Variants in SYNPR observed in about 807,000 individuals in gnomAD.
SYNPR encodes synaptoporin.
SYNPR carries 23 observed loss-of-function variants against 32.9 expected under a neutral mutation model. That is an observed-to-expected ratio of 0.70 (90% CI 0.50 to 0.99). The LOEUF (loss-of-function observed/expected upper bound fraction) is 0.99, where lower values mean the gene tolerates loss of function less well. SYNPR is among the 50% of genes least tolerant of loss of function. The probability of loss-of-function intolerance (pLI) is 0.00; values close to 1 mark genes in which losing one functional copy is unlikely to be tolerated. For missense variants in SYNPR, 318 were observed against 349.3 expected (o/e 0.91, Z 0.71); for synonymous variants, 146 against 135.9 (o/e 1.07, Z -0.52).
intron 2 of SYNPR, among the ~76,000 whole-genome samples, chr3:63,473,306 G>A (rs1347146662): frequency 6.6e-6 from 1 of 152,130 alleles, no homozygotes; most frequent in Non-Finnish European, 1.5e-5. Context: ...CCACAGTAAA[G>A]CACCATTGCA....
At chr3:63,253,174 A>G (rs1261531966) in intron 2 of SYNPR, among the ~76,000 whole-genome samples, 1 of 152,208 alleles carries the variant, frequency 6.6e-6, no homozygotes, top group Admixed American at 6.5e-5. Context: ...CAGATGCCAA[A>G]TAATCACCAT....
chr3:63,224,909 A>G (rs190609890), upstream of SYNPR, among the ~76,000 whole-genome samples: 19 of 152,294 alleles, frequency 1.2e-4, no homozygotes, highest in African/African-American at 3.6e-4. Flanking sequence ...TCTTGTGCTC[A>G]TTGTGTAACA....
chr3:63,305,633 C>G (rs1313695852), intron 2 of SYNPR, among the ~76,000 whole-genome samples: 1 of 151,880 alleles, frequency 6.6e-6, no homozygotes, highest in Non-Finnish European at 1.5e-5. Flanking sequence ...GCCAGAAATT[C>G]TGATTTAGTA....
At chr3:63,202,575 G>C in the SYNPR span, among the ~76,000 whole-genome samples, 18 of 142,590 alleles carry the variant, frequency 1.3e-4, no homozygotes, top group African/African-American at 4.7e-4. Context: ...CTCCAAAAGT[G>C]GGTTGAGGAT....
rs539591158 is a variant in SYNPR at position 63,511,016 on chromosome 3, T to C, written c.209+30060T>C. Among the ~76,000 whole-genome samples, 62 of 151,338 alleles carry C rather than the reference T, an allele frequency of 4.1e-4. No homozygotes were observed. The South Asian group carries it at 0.011, about 27-fold the overall frequency. ...TGATTATGTGGGATGCTTGTTGAAA[T>C]GCAAATTGCTGGACTCAGCCCCAGG... On this transcript the variant is annotated intron_variant, in intron 3 of 5. Coordinates refer to ENST00000478300, the MANE Select transcript of SYNPR (RefSeq NM_001130003.2).
chr3:63,561,825 G>T (rs566541985), intron 4 of SYNPR, among the ~76,000 whole-genome samples: 1 of 152,128 alleles, frequency 6.6e-6, no homozygotes, highest in Non-Finnish European at 1.5e-5. Flanking sequence ...AAGCAGTTGT[G>T]AGCAATTTCA....
chr3:63,270,232 A>G (rs1215779188), intron 3 of SYNPR, among the ~76,000 whole-genome samples: 1 of 152,220 alleles, frequency 6.6e-6, no homozygotes, highest in Non-Finnish European at 1.5e-5. Flanking sequence ...ACAGTGTCAG[A>G]TAAACCTATG....
intron 2 of SYNPR, among the ~76,000 whole-genome samples, chr3:63,465,229 C>A (rs1025810380): frequency 1.3e-5 from 2 of 152,082 alleles, no homozygotes; most frequent in Non-Finnish European, 2.9e-5. Flanking sequence ...AAAAGCTACT[C>A]TCCCATAATG....
At chr3:63,372,208 A>G (rs970237127) in intron 2 of SYNPR, among the ~76,000 whole-genome samples, 11 of 152,044 alleles carry the variant, frequency 7.2e-5, no homozygotes, top group African/African-American at 2.7e-4. Context: ...GACTATGTCC[A>G]GCATGACACA....
Position 63,561,044 on chromosome 3 carries a change from C to G in SYNPR, c.408+4303C>G, listed in dbSNP as rs116106808. Among the ~76,000 whole-genome samples, 1,089 of 152,278 alleles carry G rather than the reference C, an allele frequency of 7.2e-3. 14 individuals are homozygous for G. The highest frequency in any genetic ancestry group is 0.025 in the African/African-American group (1,020 of 41,556). Reference sequence around the variant, plus strand: ...GTGATTCTTCAAGTCAAACTTTGAACATGAAACTACAAAATTGCTGTATCA... The same window carrying G: ...GTGATTCTTCAAGTCAAACTTTGAAGATGAAACTACAAAATTGCTGTATCA... On this transcript the variant is annotated intron_variant, in intron 4 of 5. Transcript: ENST00000478300.
rs547805726 is a variant in SYNPR at position 63,369,924 on chromosome 3, T to C, written c.84+91182T>C. 2.4e-4 allele frequency among the ~76,000 whole-genome samples: 36 copies of C among 152,322 alleles called. No homozygotes were observed. The South Asian group carries it at 7.5e-3, about 32-fold the overall frequency. On this transcript the variant is annotated intron_variant, in intron 2 of 5. Coordinates refer to ENST00000478300, the MANE Select transcript of SYNPR (RefSeq NM_001130003.2). ...CTTCCTCACCTAAGGAATCCAAAGATTCTTGGAGCTTCTTCAGGTTCTCGT... is the reference window on the plus strand; with the variant it reads ...CTTCCTCACCTAAGGAATCCAAAGACTCTTGGAGCTTCTTCAGGTTCTCGT...
chr3:63,258,878 T>C (rs974616814), intron 2 of SYNPR, among the ~76,000 whole-genome samples: 18 of 152,178 alleles, frequency 1.2e-4, no homozygotes, highest in Non-Finnish European at 2.2e-4. Flanking sequence ...CAATAAAAAA[T>C]GATAAAGGGG....
At chr3:63,388,663 A>C (rs1421680706) in intron 2 of SYNPR, among the ~76,000 whole-genome samples, 1 of 150,716 alleles carries the variant, frequency 6.6e-6, no homozygotes, top group Non-Finnish European at 1.5e-5. Context: ...TTCATGATCC[A>C]CCCACCTCAG....
At chr3:63,406,064 T>C (rs1295496495) in intron 2 of SYNPR, among the ~76,000 whole-genome samples, 2 of 152,112 alleles carry the variant, frequency 1.3e-5, no homozygotes, top group Non-Finnish European at 2.9e-5. Context: ...AGAATCACAC[T>C]ACCAGAAGGT....
At chr3:63,399,309 T>G (rs1028027010) in intron 2 of SYNPR, among the ~76,000 whole-genome samples, 13 of 152,234 alleles carry the variant, frequency 8.5e-5, no homozygotes, top group African/African-American at 2.4e-4. Flanking sequence ...TATTCTCTCA[T>G]GAAGAGATGG....
intron 2 of SYNPR, among the ~76,000 whole-genome samples, chr3:63,326,232 G>C (rs1354179968): frequency 6.6e-6 from 1 of 151,998 alleles, no homozygotes; most frequent in Non-Finnish European, 1.5e-5. Flanking sequence ...ACATGTTAAA[G>C]ATCCCATTGA....
At chr3:63,431,751 A>T (rs1291697343) in intron 2 of SYNPR, among the ~76,000 whole-genome samples, 1 of 152,142 alleles carries the variant, frequency 6.6e-6, no homozygotes, top group African/African-American at 2.4e-5. Context: ...CGAAAAGAAA[A>T]AAAAAATCAC....
intron 2 of SYNPR, among the ~76,000 whole-genome samples, chr3:63,318,146 T>C (rs1378509590): frequency 6.6e-6 from 1 of 152,090 alleles, no homozygotes; most frequent in Non-Finnish European, 1.5e-5. Flanking sequence ...TAGGTTTTCC[T>C]TTATAGGTTA....
rs56364011 is a variant in SYNPR at position 63,563,974 on chromosome 3, GAAAAA to G, written c.408+7245_408+7249del. Among the ~76,000 whole-genome samples, 1,025 of 146,034 alleles carry G rather than the reference GAAAAA, an allele frequency of 7.0e-3. 36 individuals are homozygous for G. The East Asian group carries it at 0.088, about 13-fold the overall frequency. On this transcript the variant is annotated intron_variant, in intron 4 of 5. Transcript: ENST00000478300. Reference sequence around the variant, plus strand: ...ATTTTAATAAATACTCTCAAATATGGAAAAAAAAAAAAAAAAGACAACTCGAGAGC... The same window carrying G: ...ATTTTAATAAATACTCTCAAATATGGAAAAAAAAAAAGACAACTCGAGAGC...
Sources: allele counts gnomAD v4.1 joint callset (sites outside exome capture counted in the v4.1 genomes callset), GRCh38; gene constraint gnomAD v4.1.1; transcripts MANE v1.5; gene names NCBI Gene and HGNC (gene_info 2026-07-23, HGNC 2026-07-21).